The following CCDC60 variants were observed in gnomAD, a reference collection of about 807,000 sequenced individuals.
CCDC60 encodes the protein coiled-coil domain-containing protein 60.
A neutral mutation model predicts 63.5 loss-of-function variants in CCDC60; 54 were observed. The ratio of observed to expected loss-of-function variants is 0.85; its 90% CI spans 0.68 to 1.07. The LOEUF (loss-of-function observed/expected upper bound fraction) is 1.07. CCDC60 is among the 50% of genes least tolerant of loss of function. The probability of loss-of-function intolerance (pLI) is 0.00; values close to 1 mark genes in which losing one functional copy is unlikely to be tolerated. For missense variants in CCDC60, 651 were observed against 684.3 expected (o/e 0.95, Z 0.54); for synonymous variants, 206 against 238.8 (o/e 0.86, Z 1.27).
chr12:119,489,866 C>T lies in CCDC60; in HGVS notation c.557+1000C>T, dbSNP rs150858713. ...AGGCCAGAGTACGGTGACGCAATCT[C>T]GGCTCACTGCAACCTCCATCTCCCG... On this transcript the variant is annotated intron_variant, in intron 5 of 13. Transcript: ENST00000327554. Among the ~76,000 whole-genome samples the T allele has an allele frequency of 3.3e-5, 5 of 151,826 alleles. No individual in the cohort carries two copies. The East Asian group carries it at 9.7e-4, about 30-fold the overall frequency.
intron 1 of CCDC60, among the ~76,000 whole-genome samples, chr12:119,368,629 T>G (rs1955867391): frequency 6.6e-6 from 1 of 152,210 alleles, no homozygotes; most frequent in Non-Finnish European, 1.5e-5. Flanking sequence ...CAGCAGCTTC[T>G]AAAGGTTGTA....
At chr12:119,423,201 T>C (rs1265560346) in intron 1 of CCDC60, among the ~76,000 whole-genome samples, 1 of 152,126 alleles carries the variant, frequency 6.6e-6, no homozygotes, top group African/African-American at 2.4e-5. Flanking sequence ...GCGAGGCGCA[T>C]GACCACAATT....
intron 5 of CCDC60, among the ~76,000 whole-genome samples, chr12:119,494,844 G>T (rs1951683631): frequency 1.3e-5 from 2 of 152,204 alleles, no homozygotes; most frequent in Admixed American, 1.3e-4. Flanking sequence ...GCCAGGCTTG[G>T]TGGCACATGC....
At chr12:119,392,857 T>C (rs1956184598) in intron 1 of CCDC60, among the ~76,000 whole-genome samples, 1 of 152,116 alleles carries the variant, frequency 6.6e-6, no homozygotes, top group East Asian at 1.9e-4. Flanking sequence ...GTGCAAGTAC[T>C]ATATAACAGT....
At chr12:119,507,491 T>C (rs867188597) in intron 7 of CCDC60, among the ~76,000 whole-genome samples, 1 of 142,692 alleles carries the variant, frequency 7.0e-6, no homozygotes, top group East Asian at 2.0e-4. Flanking sequence ...TATACACATA[T>C]ATACATATAT....
chr12:119,482,432 G>A (rs2136356457), intron 4 of CCDC60, among the ~76,000 whole-genome samples: 1 of 152,176 alleles, frequency 6.6e-6, no homozygotes, highest in Admixed American at 6.5e-5. Flanking sequence ...AAAAATTTTA[G>A]GCTTTGCTGA....
chr12:119,519,395 A>C (rs1952436748), intron 8 of CCDC60, among the ~76,000 whole-genome samples: 1 of 111,362 alleles, frequency 9.0e-6, no homozygotes, highest in Non-Finnish European at 1.8e-5. Context: ...AGAGGTAGTG[A>C]TATATATGTG....
intron 2 of CCDC60, among the ~76,000 whole-genome samples, chr12:119,433,965 G>A (rs1286901684): frequency 3.9e-5 from 6 of 152,198 alleles, no homozygotes; most frequent in African/African-American, 1.4e-4. Flanking sequence ...GACTCTTGAA[G>A]TGCGATGACG....
At chr12:119,413,850 G>A (rs1285881115) in intron 1 of CCDC60, among the ~76,000 whole-genome samples, 1 of 152,120 alleles carries the variant, frequency 6.6e-6, no homozygotes, top group Non-Finnish European at 1.5e-5. Context: ...TGCGTAATGG[G>A]GATTTTACTG....
chr12:119,400,652 C>A (rs1430181691), intron 1 of CCDC60, among the ~76,000 whole-genome samples: 1 of 152,218 alleles, frequency 6.6e-6, no homozygotes, highest in Non-Finnish European at 1.5e-5. Flanking sequence ...AGTGGAGATT[C>A]CTTGGTCCAC....
chr12:119,472,939 A>G (rs752727327), intron 3 of CCDC60, among the ~76,000 whole-genome samples: 2 of 152,224 alleles, frequency 1.3e-5, no homozygotes, highest in Non-Finnish European at 2.9e-5. Flanking sequence ...AGACTGGTCC[A>G]TTATGAAATG....
chr12:119,438,213 T>C (rs914877544), intron 2 of CCDC60, among the ~76,000 whole-genome samples: 1 of 152,216 alleles, frequency 6.6e-6, no homozygotes, highest in Non-Finnish European at 1.5e-5. Flanking sequence ...CACTACTCTC[T>C]CCTGAGGGTA....
chr12:119,377,274 A>G lies in CCDC60; in HGVS notation c.90+42008A>G, dbSNP rs1304360881. On this transcript the variant is annotated intron_variant, in intron 1 of 13. Transcript: ENST00000327554. ...CATCTCAAAAAAAAAAAAAAAAAAA[A>G]AAAAAGAAAAAGAAAGAAAGAAAAA... Among the ~76,000 whole-genome samples the G allele has an allele frequency of 7.5e-3, 1,072 of 141,994 alleles. 12 individuals carry two copies. Among genetic ancestry groups the G allele is most frequent in the African/African-American group, 0.027 (1,000 of 37,118 alleles). The allele number at this position is 141,994 out of a possible 152,430, so 93.2% of individuals were successfully genotyped here. A position where few individuals can be genotyped will look rare whatever the true frequency, so the allele number is the denominator to read the frequency against.
chr12:119,472,066 G>C lies in CCDC60; in HGVS notation c.243G>C (p.Lys81Asn), dbSNP rs370380200. ...AILREETAKKKKQQQLQKLKE... is the reference protein window; with the variant it reads ...AILREETAKKNKQQQLQKLKE... ...TGAGGGAAGAGACTGCAAAGAAAAA[G>C]AAGCAACAACAACTTCAGAAACTGA... is the stretch of plus-strand genomic sequence containing the variant. Residue 81 changes from lysine (K) to asparagine (N), a missense_variant, in exon 3 of 14, where the codon AAG becomes AAC. Physicochemically the swap from Lys to Asn is moderately conservative, Grantham distance 94. Transcript: ENST00000327554. The C allele has an allele frequency of 1.2e-6, 2 of 1,614,104 alleles. No individual in the cohort carries two copies. The highest frequency in any genetic ancestry group is 1.7e-6 in the Non-Finnish European group (2 of 1,179,986).
At position 119,471,585 on chromosome 12, in the gene CCDC60, TGAGGCTCAGA is replaced by T. The variant is rs1050425491; in HGVS notation, c.171-405_171-396del. 7.8e-4 allele frequency among the ~76,000 whole-genome samples: 118 copies of T among 152,204 alleles called. 1 individual carries two copies. The highest frequency in any genetic ancestry group is 2.6e-3 in the African/African-American group (108 of 41,514). On this transcript the variant is annotated intron_variant, in intron 2 of 13. Transcript: ENST00000327554. ...TTGAGTGATGGGATGATGAAGGAAATGAGGCTCAGAGAGATTCAAGGACTTGGCCAAGGTC... is the reference window on the plus strand; with the variant it reads ...TTGAGTGATGGGATGATGAAGGAAATGAGATTCAAGGACTTGGCCAAGGTC...
intron 2 of CCDC60, among the ~76,000 whole-genome samples, chr12:119,469,169 G>A (rs1020723566): frequency 1.3e-5 from 2 of 152,076 alleles, no homozygotes; most frequent in African/African-American, 4.8e-5. Context: ...TTCTTAAGAG[G>A]ATGCTCCTCT....
intron 2 of CCDC60, among the ~76,000 whole-genome samples, chr12:119,465,218 C>T (rs1479543394): frequency 2.6e-5 from 4 of 151,952 alleles, no homozygotes; most frequent in Non-Finnish European, 5.9e-5. Context: ...GAGGCTGAGG[C>T]GGGAGAATGG....
chr12:119,382,132 T>C (rs991985614), intron 1 of CCDC60, among the ~76,000 whole-genome samples: 2 of 152,222 alleles, frequency 1.3e-5, no homozygotes, highest in Non-Finnish European at 2.9e-5. Flanking sequence ...AACATGAAGC[T>C]GATTTTCATG....
intron 5 of CCDC60, among the ~76,000 whole-genome samples, chr12:119,489,134 C>T (rs186617440): frequency 2.0e-5 from 3 of 152,276 alleles, no homozygotes; most frequent in Non-Finnish European, 4.4e-5. Flanking sequence ...ATCAGCCAGC[C>T]ACATGGGAGT....
Sources: gnomAD v4.1 joint callset for allele counts (sites outside exome capture counted in the v4.1 genomes callset) on GRCh38, gnomAD v4.1.1 for gene constraint, MANE v1.5 for transcripts, NCBI Gene and HGNC (gene_info 2026-07-23, HGNC 2026-07-21) for gene names.